The following MBD5 variants were observed in gnomAD, a reference collection of about 807,000 sequenced individuals.
MBD5 encodes the protein methyl-CpG-binding domain protein 5.
In MBD5, 13 loss-of-function variants were observed where a neutral mutation model predicts 117.3. That is an observed-to-expected ratio of 0.11 (90% CI 0.07 to 0.18). The LOEUF (loss-of-function observed/expected upper bound fraction) is 0.18. Ranked by LOEUF, MBD5 falls within the 10% of genes least tolerant of loss-of-function variation. The pLI is 1.00. For missense variants in MBD5, 1,879 were observed against 2,093.8 expected (o/e 0.90, Z 2.00); for synonymous variants, 727 against 766.4 (o/e 0.95, Z 0.85).
chr2:148,381,919 G>T (rs1574358497), intron 4 of MBD5, among the ~76,000 whole-genome samples: 1 of 152,218 alleles, frequency 6.6e-6, no homozygotes, highest in South Asian at 2.1e-4. Context: ...GAGAGATTTT[G>T]TCACCACCAG....
At chr2:148,029,613 T>C (rs1244589875) in intron 1 of MBD5, among the ~76,000 whole-genome samples, 1 of 152,208 alleles carries the variant, frequency 6.6e-6, no homozygotes, top group Non-Finnish European at 1.5e-5. Flanking sequence ...TTATTTAGAA[T>C]TCTTTGAAAC....
intron 12 of MBD5, among the ~76,000 whole-genome samples, chr2:148,505,614 A>C (rs1412036086): frequency 6.6e-6 from 1 of 152,218 alleles, no homozygotes; most frequent in Non-Finnish European, 1.5e-5. Context: ...ATGGGTATAC[A>C]CACAAAATGG....
intron 3 of MBD5, among the ~76,000 whole-genome samples, chr2:148,323,308 G>A (rs956459018): frequency 9.9e-5 from 15 of 152,104 alleles, no homozygotes; most frequent in African/African-American, 3.6e-4. Context: ...ATAAACATAT[G>A]TGTGCATGTG....
intron 3 of MBD5, among the ~76,000 whole-genome samples, chr2:148,261,578 A>G (rs905801359): frequency 1.3e-5 from 2 of 152,252 alleles, no homozygotes; most frequent in African/African-American, 4.8e-5. Context: ...TTTTAAGGAA[A>G]TGTGGCTGGT....
At chr2:148,383,164 GGA>G (rs1704213172) in intron 4 of MBD5, among the ~76,000 whole-genome samples, 1 of 152,110 alleles carries the variant, frequency 6.6e-6, no homozygotes, top group Non-Finnish European at 1.5e-5. Flanking sequence ...AGTGAATCCA[GGA>G]GCTGTTTTTT....
At chr2:148,495,480 A>G (rs1206702756) in intron 11 of MBD5, among the ~76,000 whole-genome samples, 2 of 152,188 alleles carry the variant, frequency 1.3e-5, no homozygotes, top group Non-Finnish European at 2.9e-5. Flanking sequence ...ATTGGTCTTC[A>G]TATATCATTG....
intron 1 of MBD5, among the ~76,000 whole-genome samples, chr2:148,166,500 G>A (rs1698128301): frequency 6.6e-6 from 1 of 152,184 alleles, no homozygotes; most frequent in Admixed American, 6.5e-5. Context: ...AAAATCTGCA[G>A]AAACTCAGAG....
chr2:148,198,718 A>G (rs551054498), intron 2 of MBD5, among the ~76,000 whole-genome samples: 48 of 152,100 alleles, frequency 3.2e-4, no homozygotes, highest in African/African-American at 1.1e-3. Context: ...CTGCTTCTTA[A>G]TGGTTAAAAG....
chr2:148,061,751 G>A (rs1695042425), intron 1 of MBD5, among the ~76,000 whole-genome samples: 1 of 151,736 alleles, frequency 6.6e-6, no homozygotes, highest in African/African-American at 2.4e-5. Context: ...TAAAGCTATT[G>A]ATTCATATCA....
At chr2:148,497,430 A>G (rs1485687233) in intron 11 of MBD5, among the ~76,000 whole-genome samples, 1 of 152,164 alleles carries the variant, frequency 6.6e-6, no homozygotes, top group Admixed American at 6.5e-5. Flanking sequence ...GCTCACACCT[A>G]TGATCCCAGT....
At chr2:148,118,427 TA>T (rs11393692) in intron 1 of MBD5, among the ~76,000 whole-genome samples, 57 of 145,562 alleles carry the variant, frequency 3.9e-4, no homozygotes, top group Middle Eastern at 3.5e-3. Context: ...CTGGGCAACA[TA>T]AAAAAAAATA....
At chr2:148,130,516 T>G (rs563092057) in intron 1 of MBD5, among the ~76,000 whole-genome samples, 1 of 151,782 alleles carries the variant, frequency 6.6e-6, no homozygotes, top group African/African-American at 2.4e-5. Context: ...TATGAAACAT[T>G]TGTATTGGAT....
intron 1 of MBD5, chr2:148,027,027 G>A (rs370804184): frequency 2.0e-5 from 3 of 152,200 alleles, no homozygotes; most frequent in African/African-American, 7.2e-5. Context: ...TTTCTTATAT[G>A]AAGTTCAAAG....
rs932778058 is a variant in MBD5, at chr2:148,514,292, TA to T, written c.*1355del. The T allele has an allele frequency of 2.6e-5, 4 of 152,152 alleles. No homozygotes were observed. Among genetic ancestry groups the T allele is most frequent in the African/African-American group, 9.7e-5 (4 of 41,438 alleles). 9.4% of individuals were successfully genotyped at this position (152,152 alleles called of 1,614,324 possible). On this transcript the variant is annotated 3_prime_UTR_variant, in exon 14 of 14. Transcript: ENST00000642680. ...ATACTACATTACAAGTATACAAACC[TA>T]AAACTGTGAGCCATTGTAAAGTACA...
At chr2:148,450,625 G>A (rs1706699438) in intron 4 of MBD5, among the ~76,000 whole-genome samples, 1 of 152,146 alleles carries the variant, frequency 6.6e-6, no homozygotes. Context: ...GGCATTCCAA[G>A]AAACAAGAGC....
chr2:148,234,157 G>A lies in MBD5; in HGVS notation c.-680+762G>A, dbSNP rs1026938674. Among the ~76,000 whole-genome samples, 7 of 151,938 alleles carry A rather than the reference G, an allele frequency of 4.6e-5. No homozygotes were observed. In the East Asian group the frequency reaches 1.3e-3, roughly 29 times the overall value. ...TTCATGAAAAATATAGACTTAAGTA[G>A]ATGAAAATAAAACAAAATAAAAATA... is the stretch of plus-strand genomic sequence containing the variant. On this transcript the variant is annotated intron_variant, in intron 3 of 13. Coordinates refer to ENST00000642680, the MANE Select transcript of MBD5 (RefSeq NM_001378120.1).
At chr2:148,214,107 AAT>A (rs1360630451) in intron 2 of MBD5, among the ~76,000 whole-genome samples, 1 of 152,290 alleles carries the variant, frequency 6.6e-6, no homozygotes, top group East Asian at 1.9e-4. Flanking sequence ...TCATTTTTAA[AAT>A]TATAAGTTAA....
chr2:148,368,151 A>T (rs1377653240), intron 4 of MBD5, among the ~76,000 whole-genome samples: 1 of 152,226 alleles, frequency 6.6e-6, no homozygotes, highest in African/African-American at 2.4e-5. Context: ...CAGCCATTAA[A>T]AAGTATGAGT....
intron 3 of MBD5, among the ~76,000 whole-genome samples, chr2:148,326,241 G>C (rs185148502): frequency 4.8e-4 from 73 of 152,254 alleles, no homozygotes; most frequent in African/African-American, 1.6e-3. Context: ...TTGCTGAGGA[G>C]AGCTTTACTT....
Sources: allele counts gnomAD v4.1 joint callset (sites outside exome capture counted in the v4.1 genomes callset), GRCh38; gene constraint gnomAD v4.1.1; transcripts MANE v1.5; gene names NCBI Gene and HGNC (gene_info 2026-07-23, HGNC 2026-07-21).